Variants in EDIL3 observed in about 807,000 individuals in gnomAD.
EDIL3 encodes the protein EGF like and discoidin domains 3.
In EDIL3, 37 loss-of-function variants were observed where a neutral mutation model predicts 67.4. The ratio of observed to expected loss-of-function variants is 0.55; its 90% CI spans 0.42 to 0.72. The LOEUF is 0.72. Ranked by LOEUF, EDIL3 falls within the 30% of genes least tolerant of loss-of-function variation. EDIL3 has a pLI of 0.00. For synonymous variants in EDIL3, 195 were observed against 196.3 expected (o/e 0.99, Z 0.05); for missense variants, 527 against 586.3 (o/e 0.90, Z 1.04).
chr5:84,351,019 C>T (rs1289356351), intron 1 of EDIL3, among the ~76,000 whole-genome samples: 1 of 152,102 alleles, frequency 6.6e-6, no homozygotes, highest in Non-Finnish European at 1.5e-5. Flanking sequence ...GGACTAGCCA[C>T]ATTTTAAGTA....
intron 3 of EDIL3, among the ~76,000 whole-genome samples, chr5:84,210,945 T>C (rs1026795734): frequency 6.6e-6 from 1 of 152,228 alleles, no homozygotes; most frequent in African/African-American, 2.4e-5. Flanking sequence ...ATTGCACATT[T>C]ATTTAGTACA....
chr5:84,383,620 G>C lies in EDIL3; in HGVS notation c.67+688C>G, dbSNP rs191701310. On this transcript the variant is annotated intron_variant, in intron 1 of 10. Coordinates refer to ENST00000296591, the MANE Select transcript of EDIL3 (RefSeq NM_005711.5). ...TTACCAAGAGTTAACACTGGTACTC[G>C]GAGGGGGTGCGCAGCTAAGCTCCAG... 9.4e-3 allele frequency among the ~76,000 whole-genome samples: 1,427 copies of C among 152,240 alleles called. 25 individuals carry two copies. The highest frequency in any genetic ancestry group is 0.032 in the African/African-American group (1,338 of 41,536).
Position 84,052,881 on chromosome 5 carries a change from C to A in EDIL3, c.1137+7419G>T, listed in dbSNP as rs1350270036. ...ATGGGAGACTTTAATACCCCACTGTCAACATTAGACAGATCAACAAGACAG... is the reference window on the plus strand; with the variant it reads ...ATGGGAGACTTTAATACCCCACTGTAAACATTAGACAGATCAACAAGACAG... On this transcript the variant is annotated intron_variant, in intron 9 of 10. Coordinates refer to ENST00000296591, the MANE Select transcript of EDIL3 (RefSeq NM_005711.5). Among the ~76,000 whole-genome samples the A allele has an allele frequency of 2.0e-5, 3 of 152,144 alleles. No individual in the cohort carries two copies. The East Asian group carries it at 5.8e-4, about 29-fold the overall frequency.
intron 5 of EDIL3, among the ~76,000 whole-genome samples, chr5:84,130,113 A>G (rs1426598254): frequency 6.6e-6 from 1 of 152,094 alleles, no homozygotes; most frequent in Non-Finnish European, 1.5e-5. Flanking sequence ...TTGAGTATAT[A>G]CTATACATTC....
At chr5:84,124,178 C>T (rs10060821) in intron 5 of EDIL3, among the ~76,000 whole-genome samples, 34,870 of 151,688 alleles carry the variant, frequency 0.23, 4,278 homozygotes, top group East Asian at 0.32. Context: ...ATTAAGTACA[C>T]TGAAGAAACA....
At chr5:84,246,674 A>G (rs994433934) in intron 2 of EDIL3, among the ~76,000 whole-genome samples, 1 of 152,156 alleles carries the variant, frequency 6.6e-6, no homozygotes, top group Non-Finnish European at 1.5e-5. Context: ...ACTGGCTTTT[A>G]CCCTTTGACT....
At chr5:84,183,044 CCTT>C (rs776446581) in intron 3 of EDIL3, among the ~76,000 whole-genome samples, 3 of 152,098 alleles carry the variant, frequency 2.0e-5, no homozygotes, top group African/African-American at 2.4e-5. Context: ...ACCTATCTCT[CCTT>C]CTCCTCTCTC....
intron 9 of EDIL3, among the ~76,000 whole-genome samples, chr5:84,045,335 G>A (rs1746202833): frequency 6.6e-6 from 1 of 152,162 alleles, no homozygotes; most frequent in Admixed American, 6.5e-5. Context: ...AGGTGGAGAA[G>A]AAGTCAGGGG....
At chr5:84,198,383 T>A (rs569401179) in intron 3 of EDIL3, among the ~76,000 whole-genome samples, 1 of 152,010 alleles carries the variant, frequency 6.6e-6, no homozygotes, top group Non-Finnish European at 1.5e-5. Context: ...CCAAGACAGA[T>A]GTATTTTAAG....
intron 9 of EDIL3, among the ~76,000 whole-genome samples, chr5:84,004,382 C>G (rs574386559): frequency 9.9e-5 from 15 of 152,160 alleles, no homozygotes; most frequent in Middle Eastern, 3.4e-3. Context: ...TTCTTCTCAT[C>G]TCCACATGGC....
intron 6 of EDIL3, among the ~76,000 whole-genome samples, chr5:84,075,744 G>A (rs1039588282): frequency 5.9e-5 from 9 of 151,928 alleles, no homozygotes; most frequent in East Asian, 3.9e-4. Flanking sequence ...CAGAGTGCTG[G>A]GATTACAGGT....
At chr5:84,302,397 C>T (rs533091262) in intron 1 of EDIL3, among the ~76,000 whole-genome samples, 197 of 152,182 alleles carry the variant, frequency 1.3e-3, no homozygotes, top group African/African-American at 4.5e-3. Context: ...CCCGGGTTCA[C>T]GCCATTCTCC....
chr5:84,131,992 G>C (rs938317815), intron 5 of EDIL3, among the ~76,000 whole-genome samples: 1 of 151,684 alleles, frequency 6.6e-6, no homozygotes, highest in Non-Finnish European at 1.5e-5. Flanking sequence ...CAGCACTTTG[G>C]GAGATTGAGG....
chr5:84,370,614 T>C (rs879685306), intron 1 of EDIL3, among the ~76,000 whole-genome samples: 1 of 152,202 alleles, frequency 6.6e-6, no homozygotes, highest in Non-Finnish European at 1.5e-5. Context: ...CTAGCTCCCA[T>C]ATAGTATTAA....
At chr5:83,990,382 G>A (rs1724978909) in intron 9 of EDIL3, among the ~76,000 whole-genome samples, 1 of 151,818 alleles carries the variant, frequency 6.6e-6, no homozygotes, top group South Asian at 2.1e-4. Flanking sequence ...AGCTACTTGG[G>A]AGGCTGAGGC....
At chr5:84,079,790 C>T (rs1393064805) in intron 6 of EDIL3, among the ~76,000 whole-genome samples, 1 of 152,018 alleles carries the variant, frequency 6.6e-6, no homozygotes, top group Admixed American at 6.6e-5. Context: ...AACAGACAAG[C>T]ATGATCACCT....
At chr5:84,310,719 C>G (rs2048775215) in intron 1 of EDIL3, among the ~76,000 whole-genome samples, 1 of 152,172 alleles carries the variant, frequency 6.6e-6, no homozygotes, top group Non-Finnish European at 1.5e-5. Flanking sequence ...GATATACACA[C>G]CCAAACCTCA....
chr5:84,305,462 T>C (rs1746246133), intron 1 of EDIL3, among the ~76,000 whole-genome samples: 1 of 152,236 alleles, frequency 6.6e-6, no homozygotes, highest in African/African-American at 2.4e-5. Context: ...CCTTTTTAGA[T>C]ATAGGCTGTA....
chr5:84,027,200 G>T (rs1191454634), intron 9 of EDIL3, among the ~76,000 whole-genome samples: 3 of 152,338 alleles, frequency 2.0e-5, no homozygotes, highest in South Asian at 2.1e-4. Context: ...ACAATATAAA[G>T]ACATTACCAT....
Sources: allele counts gnomAD v4.1 joint callset (sites outside exome capture counted in the v4.1 genomes callset), GRCh38; gene constraint gnomAD v4.1.1; transcripts MANE v1.5; gene names NCBI Gene and HGNC (gene_info 2026-07-23, HGNC 2026-07-21).